Variants in ABTB2 observed in about 807,000 individuals in gnomAD.
ABTB2 encodes the protein ankyrin repeat and BTB domain containing 2.
A neutral mutation model predicts 104.1 loss-of-function variants in ABTB2; 56 were observed. The ratio of observed to expected loss-of-function variants is 0.54; its 90% CI spans 0.43 to 0.67. The LOEUF (loss-of-function observed/expected upper bound fraction) is 0.67. Ranked by LOEUF, ABTB2 falls within the 30% of genes least tolerant of loss-of-function variation. The pLI, the probability that ABTB2 is intolerant of heterozygous loss-of-function variation, is 0.00. For synonymous variants in ABTB2, 606 were observed against 608.2 expected, an observed-to-expected ratio of 1.00 and a Z score of 0.05; for missense variants, 1,279 against 1,407.7, an observed-to-expected ratio of 0.91 and a Z score of 1.46.
chr11:34,326,578 C>T (rs1433759140), intron 1 of ABTB2, among the ~76,000 whole-genome samples: 1 of 149,322 alleles, frequency 6.7e-6, no homozygotes, highest in Admixed American at 6.7e-5. Context: ...TGCAGTGAGC[C>T]GAGATCATGC....
At chr11:34,341,845 G>A (rs577546986) in intron 1 of ABTB2, among the ~76,000 whole-genome samples, 12 of 152,256 alleles carry the variant, frequency 7.9e-5, no homozygotes, top group African/African-American at 2.9e-4. Flanking sequence ...ATCTTGGAAC[G>A]TTTTCAGCTG....
intron 1 of ABTB2, among the ~76,000 whole-genome samples, chr11:34,326,824 C>T (rs775632845): frequency 6.6e-6 from 1 of 152,078 alleles, no homozygotes; most frequent in Non-Finnish European, 1.5e-5. Context: ...AATCCCAGCA[C>T]TTTGGGAGGC....
intron 1 of ABTB2, among the ~76,000 whole-genome samples, chr11:34,290,079 T>C (rs1854550294): frequency 6.6e-6 from 1 of 152,216 alleles, no homozygotes; most frequent in African/African-American, 2.4e-5. Flanking sequence ...TTGAAAGGGA[T>C]TCCTAAATTG....
chr11:34,301,105 G>A lies in ABTB2; in HGVS notation c.883+55596C>T, dbSNP rs560410287. Among the ~76,000 whole-genome samples the A allele has an allele frequency of 9.2e-5, 14 of 152,256 alleles. No homozygotes were observed. In the South Asian group the frequency reaches 2.9e-3, roughly 32 times the overall value. ...CTGTCCGATTGCCAGATATTTCTGT[G>A]GCTGGTTAGCCTTCCAGCCCCAAAG... On this transcript the variant is annotated intron_variant, in intron 1 of 16. Coordinates refer to ENST00000435224, the MANE Select transcript of ABTB2 (RefSeq NM_145804.3).
At chr11:34,311,153 G>A (rs771282244) in intron 1 of ABTB2, among the ~76,000 whole-genome samples, 18 of 152,162 alleles carry the variant, frequency 1.2e-4, no homozygotes, top group Non-Finnish European at 2.2e-4. Context: ...GCTGCATCTC[G>A]TTCCAGGGGA....
intron 1 of ABTB2, among the ~76,000 whole-genome samples, chr11:34,298,248 T>C (rs964115945): frequency 2.0e-5 from 3 of 151,958 alleles, no homozygotes; most frequent in African/African-American, 7.2e-5. Context: ...ACTACTCCAA[T>C]ACACACCACA....
intron 1 of ABTB2, among the ~76,000 whole-genome samples, chr11:34,256,165 G>A (rs908737097): frequency 6.6e-6 from 1 of 152,020 alleles, no homozygotes; most frequent in Non-Finnish European, 1.5e-5. Context: ...TCTACTTGTG[G>A]GGGGTGGGGC....
chr11:34,213,867 T>A (rs1373413027), intron 1 of ABTB2, among the ~76,000 whole-genome samples: 1 of 152,156 alleles, frequency 6.6e-6, no homozygotes, highest in East Asian at 1.9e-4. Flanking sequence ...GCTACTGAGC[T>A]TTTTCCTGTG....
At chr11:34,299,802 C>A (rs1237921596) in intron 1 of ABTB2, among the ~76,000 whole-genome samples, 3 of 152,234 alleles carry the variant, frequency 2.0e-5, no homozygotes, top group Non-Finnish European at 2.9e-5. Flanking sequence ...AAGCCAGAAG[C>A]AGCGGGTGAG....
intron 1 of ABTB2, among the ~76,000 whole-genome samples, chr11:34,244,046 A>C (rs1240334468): frequency 6.6e-6 from 1 of 152,216 alleles, no homozygotes; most frequent in Non-Finnish European, 1.5e-5. Context: ...TGTTTCCTTC[A>C]GTGCCTGTCC....
chr11:34,156,804 G>A (rs927952970), intron 14 of ABTB2, among the ~76,000 whole-genome samples: 3 of 152,164 alleles, frequency 2.0e-5, no homozygotes, highest in Non-Finnish European at 2.9e-5. Flanking sequence ...GATTACAGGC[G>A]TGAGCCACCG....
chr11:34,337,774 T>G (rs1855209180), intron 1 of ABTB2, among the ~76,000 whole-genome samples: 1 of 152,082 alleles, frequency 6.6e-6, no homozygotes. Context: ...TAACAACCTA[T>G]ATTTTTATCA....
intron 1 of ABTB2, among the ~76,000 whole-genome samples, chr11:34,337,714 G>A (rs1189491134): frequency 6.6e-6 from 1 of 152,094 alleles, no homozygotes; most frequent in Admixed American, 6.5e-5. Flanking sequence ...ACAAGATACT[G>A]CATGCAAATC....
Position 34,291,950 on chromosome 11 carries a change from G to C in ABTB2, c.883+64751C>G, listed in dbSNP as rs75326944. Reference sequence around the variant, plus strand: ...GAGTGACTTACACCAATAATACAAAGGTATCATTTAAACGAAGGCACTAGG... The same window carrying C: ...GAGTGACTTACACCAATAATACAAACGTATCATTTAAACGAAGGCACTAGG... On this transcript the variant is annotated intron_variant, in intron 1 of 16. Coordinates refer to ENST00000435224, the MANE Select transcript of ABTB2 (RefSeq NM_145804.3). Among the ~76,000 whole-genome samples the C allele has an allele frequency of 5.6e-3, 851 of 151,568 alleles. 9 individuals carry two copies. The highest frequency in any genetic ancestry group is 0.019 in the African/African-American group (797 of 41,282).
At chr11:34,228,858 G>T (rs1398964036) in intron 1 of ABTB2, among the ~76,000 whole-genome samples, 1 of 152,144 alleles carries the variant, frequency 6.6e-6, no homozygotes, top group Non-Finnish European at 1.5e-5. Context: ...AGTGGCTCAT[G>T]CCTGTAATTC....
At chr11:34,210,186 T>C (rs1371740091) in intron 1 of ABTB2, among the ~76,000 whole-genome samples, 1 of 152,150 alleles carries the variant, frequency 6.6e-6, no homozygotes, top group Non-Finnish European at 1.5e-5. Flanking sequence ...GCCAAATTGA[T>C]GGGGATTTCA....
intron 1 of ABTB2, among the ~76,000 whole-genome samples, chr11:34,240,405 G>A (rs1001029455): frequency 6.6e-6 from 1 of 152,180 alleles, no homozygotes; most frequent in African/African-American, 2.4e-5. Flanking sequence ...ACTGAGTGGG[G>A]CCCCCAAGAA....
At chr11:34,275,589 G>A (rs1212093798) in intron 1 of ABTB2, among the ~76,000 whole-genome samples, 7 of 151,968 alleles carry the variant, frequency 4.6e-5, no homozygotes, top group East Asian at 3.9e-4. Flanking sequence ...CTGCAACCAC[G>A]GTTTTTATGA....
chr11:34,280,480 C>T (rs1854437180), intron 1 of ABTB2, among the ~76,000 whole-genome samples: 1 of 152,134 alleles, frequency 6.6e-6, no homozygotes, highest in South Asian at 2.1e-4. Flanking sequence ...TGCCCTGGAG[C>T]CCCTCTTTCT....
Sources: gnomAD v4.1 joint callset for allele counts (sites outside exome capture counted in the v4.1 genomes callset) on GRCh38, gnomAD v4.1.1 for gene constraint, MANE v1.5 for transcripts, NCBI Gene and HGNC (gene_info 2026-07-23, HGNC 2026-07-21) for gene names.